Variants in CACNA2D4 observed in about 807,000 individuals in gnomAD.
CACNA2D4 encodes voltage-dependent calcium channel subunit alpha-2/delta-4.
CACNA2D4 carries 157 observed loss-of-function variants against 163.8 expected under a neutral mutation model. That is an observed-to-expected ratio of 0.96 (90% CI 0.84 to 1.09). CACNA2D4 has a LOEUF of 1.09. Among genes scored for constraint, CACNA2D4 ranks in the 50% least tolerant of loss-of-function variants. The probability of loss-of-function intolerance (pLI) is 0.00; values close to 1 mark genes in which losing one functional copy is unlikely to be tolerated. For synonymous variants in CACNA2D4, 598 were observed against 586.9 expected (o/e 1.02, Z -0.27); for missense variants, 1,410 against 1,479.9 (o/e 0.95, Z 0.78).
intron 18 of CACNA2D4, among the ~76,000 whole-genome samples, chr12:1,861,632 G>A (rs777405977): frequency 6.6e-6 from 1 of 151,948 alleles, no homozygotes; most frequent in South Asian, 2.1e-4. Flanking sequence ...TAGTAGAGAC[G>A]GGGTTTCACC....
chr12:1,854,197 C>T (rs958063594), intron 22 of CACNA2D4, among the ~76,000 whole-genome samples, 153 bp from the exon 23 acceptor site: 7 of 152,188 alleles, frequency 4.6e-5, no homozygotes, highest in African/African-American at 1.4e-4. Flanking sequence ...AGCTGCCTCA[C>T]CTCTGTCTGT....
chr12:1,846,483 G>T, intron 24 of CACNA2D4, 111 bp downstream of exon 24: 1 of 845,584 alleles, frequency 1.2e-6, no homozygotes, highest in Non-Finnish European at 1.9e-6. Context: ...CAGGGGTCCA[G>T]CATGCTGGAG....
At chr12:1,891,727 A>G (rs1374791050) in intron 6 of CACNA2D4, among the ~76,000 whole-genome samples, 1 of 152,076 alleles carries the variant, frequency 6.6e-6, no homozygotes, top group Non-Finnish European at 1.5e-5. Context: ...AAGAAGATAG[A>G]TATCATTACA....
chr12:1,831,198 A>G (rs763425485), intron 26 of CACNA2D4: 23 of 1,613,532 alleles, frequency 1.4e-5, no homozygotes, highest in Middle Eastern at 1.6e-4. Flanking sequence ...GCCCCGCTCC[A>G]TTTTCGGGGA....
chr12:1,883,091 T>C lies in CACNA2D4; in HGVS notation c.1352-91A>G. The stretch of plus-strand genomic sequence containing the variant: ...TGCACCCTCCCCAGCTGCAGATGGC[T>C]CATAGCCGAATACTCTCTGGAAACT... On this transcript the variant is annotated intron_variant, in intron 12 of 37. Transcript: ENST00000382722. The surrounding 1 kb of genome is among the most constrained non-coding windows in gnomAD (Gnocchi z 4.5). 1 of 1,380,772 alleles carries C rather than the reference T, an allele frequency of 7.2e-7. No homozygotes were observed. The highest frequency in any genetic ancestry group is 9.9e-7 in the Non-Finnish European group (1 of 1,011,846). The allele number at this position is 1,380,772 out of a possible 1,614,324, so 85.5% of individuals were successfully genotyped here. A position where few individuals can be genotyped will look rare whatever the true frequency, so the allele number is the denominator to read the frequency against.
At chr12:1,893,374 C>T (rs1592739396) in intron 6 of CACNA2D4, among the ~76,000 whole-genome samples, 1 of 152,132 alleles carries the variant, frequency 6.6e-6, no homozygotes, top group East Asian at 1.9e-4. Flanking sequence ...AAAAAATTAG[C>T]CACACATGGT....
chr12:1,800,195 C>T (rs1380007632), intron 32 of CACNA2D4, 143 bp from the exon 33 acceptor site: 14 of 974,974 alleles, frequency 1.4e-5, no homozygotes, highest in Non-Finnish European at 2.2e-5. Flanking sequence ...TCTGGTTGAG[C>T]AATGAGGTCC....
chr12:1,875,113 A>G lies in CACNA2D4; in HGVS notation c.1806+138T>C. The G allele has an allele frequency of 1.5e-6, 1 of 647,238 alleles. No individual in the cohort carries two copies. 40.1% of individuals were successfully genotyped at this position (647,238 alleles called of 1,614,324 possible). ...CATTTTAGGCATTGCTTGTGGCTTG[A>G]GCTTGGAAAGGCTCTGGGATGAACC... On this transcript the variant is annotated intron_variant, in intron 17 of 37. Coordinates refer to ENST00000382722, the MANE Select transcript of CACNA2D4 (RefSeq NM_172364.5). This position sits in a 1 kb window ranked among gnomAD's most constrained non-coding sequence, Gnocchi z 4.0.
chr12:1,810,544 C>T lies in CACNA2D4; in HGVS notation c.2657G>A (p.Ser886Asn). The change falls in exon 28 of 38, where the codon AGT becomes AAT. Residue 886 changes from serine (S) to asparagine (N), a missense_variant and splice_region_variant. Physicochemically the swap from Ser to Asn is conservative, Grantham distance 46 (BLOSUM62 1). Transcript: ENST00000382722. ...CTTCCTCACACGGGCAGAACTTACA[C>T]TGTCCTCGCAGCTCTGTGTGCACGG... Reference protein sequence around the residue: ...DGPCTQSCEDSDLDCFVIDNN... With the variant: ...DGPCTQSCEDNDLDCFVIDNN... The T allele has an allele frequency of 1.9e-6, 3 of 1,553,514 alleles. No homozygotes were observed. Among genetic ancestry groups the T allele is most frequent in the Non-Finnish European group, 2.6e-6 (3 of 1,147,956 alleles).
rs927845434 is a variant in CACNA2D4, at chr12:1,820,209, G to A, written c.2552-8486C>T. 1.3e-5 allele frequency: 2 copies of A among 152,202 alleles called. No individual in the cohort carries two copies. The highest frequency in any genetic ancestry group is 4.8e-5 in the African/African-American group (2 of 41,416). 9.4% of individuals were successfully genotyped at this position (152,202 alleles called of 1,614,324 possible). ...CCTGTCCCTCTTTCCCCAGATGGAG[G>A]GGAAGAGAGGAGAGAGGCACAGAAG... is the stretch of plus-strand genomic sequence containing the variant. On this transcript the variant is annotated intron_variant, in intron 26 of 37. Coordinates refer to ENST00000382722, the MANE Select transcript of CACNA2D4 (RefSeq NM_172364.5). This position sits in a 1 kb window ranked among gnomAD's most constrained non-coding sequence, Gnocchi z 6.0.
chr12:1,839,220 C>T (rs11061997), intron 26 of CACNA2D4, among the ~76,000 whole-genome samples: 102,470 of 152,182 alleles, frequency 0.67, 34,924 homozygotes, highest in Middle Eastern at 0.71. Flanking sequence ...GCCTCGGTTA[C>T]AAGGCAGGTG....
chr12:1,793,587 C>T lies in CACNA2D4; in HGVS notation c.*68G>A. Reference sequence around the variant, plus strand: ...AACTGCAGTTAGCTGCATCCCATGTCAGTGCTGACTTTTTGGGATGGCTCT... The same window carrying T: ...AACTGCAGTTAGCTGCATCCCATGTTAGTGCTGACTTTTTGGGATGGCTCT... On this transcript the variant is annotated 3_prime_UTR_variant, in exon 38 of 38. Coordinates refer to ENST00000382722, the MANE Select transcript of CACNA2D4 (RefSeq NM_172364.5). The T allele has an allele frequency of 7.3e-7, 1 of 1,378,746 alleles. No individual in the cohort carries two copies. Among genetic ancestry groups the T allele is most frequent in the Non-Finnish European group, 1.0e-6 (1 of 967,342 alleles). 85.4% of individuals were successfully genotyped at this position (1,378,746 alleles called of 1,614,324 possible). A position where few individuals can be genotyped will look rare whatever the true frequency, so the allele number is the denominator to read the frequency against.
rs59012815 is a variant in CACNA2D4, at chr12:1,820,038, C to T, written c.2552-8315G>A. 0.037 allele frequency among the ~76,000 whole-genome samples: 5,681 copies of T among 152,270 alleles called. 344 individuals carry two copies. The highest frequency in any genetic ancestry group is 0.13 in the African/African-American group (5,330 of 41,526). On this transcript the variant is annotated intron_variant, in intron 26 of 37. Transcript: ENST00000382722. The surrounding 1 kb of genome is among the most constrained non-coding windows in gnomAD (Gnocchi z 6.0). Reference sequence around the variant, plus strand: ...TGGACATGCCTGTGTACCCTTCTTTCGTATGACCGAGAGAAGGGTTCGGTT... The same window carrying T: ...TGGACATGCCTGTGTACCCTTCTTTTGTATGACCGAGAGAAGGGTTCGGTT...
Position 1,916,629 on chromosome 12 carries a change from C to T in CACNA2D4, c.227+1618G>A, listed in dbSNP as rs527873329. Among the ~76,000 whole-genome samples, 276 of 152,254 alleles carry T rather than the reference C, an allele frequency of 1.8e-3. 7 individuals are homozygous for T. In the South Asian group the frequency reaches 0.031, roughly 17 times the overall value. On this transcript the variant is annotated intron_variant, in intron 1 of 37. Transcript: ENST00000382722. ...ATAAGCCGTGCCCATGCAGGCCCAG[C>T]GGAGCGCAGTGCCACGGAAGTCAAG...
intron 18 of CACNA2D4, among the ~76,000 whole-genome samples, chr12:1,873,304 G>A (rs766787564): frequency 6.6e-5 from 10 of 152,146 alleles, no homozygotes; most frequent in South Asian, 2.1e-4. Context: ...AAGCCTTTGC[G>A]AAATTGCAAA....
At chr12:1,809,067 G>C (rs747248649) in intron 29 of CACNA2D4, among the ~76,000 whole-genome samples, 1 of 152,242 alleles carries the variant, frequency 6.6e-6, no homozygotes, top group Non-Finnish European at 1.5e-5. Flanking sequence ...ACTGCTGCTC[G>C]TTAAGTGGGT....
intron 26 of CACNA2D4, among the ~76,000 whole-genome samples, chr12:1,821,334 C>A (rs1051143971): frequency 1.3e-5 from 2 of 152,172 alleles, no homozygotes; most frequent in Non-Finnish European, 2.9e-5. Context: ...GGTCCTGGGC[C>A]TCCCTATAGC....
chr12:1,907,663 TGGGCGTGTCTGG>T (rs1404309980), intron 5 of CACNA2D4, 92 bp from the exon 6 acceptor site: 3 of 1,269,660 alleles, frequency 2.4e-6, no homozygotes, highest in Non-Finnish European at 2.2e-6. Flanking sequence ...GCGTGTCTGG[TGGGCGTGTCTGG>T]TAAGCGTGCC....
Position 1,831,214 on chromosome 12 carries a change from C to T in CACNA2D4, c.2551+9525G>A, listed in dbSNP as rs762456201. The T allele has an allele frequency of 5.6e-6, 9 of 1,613,726 alleles. No individual in the cohort carries two copies. The East Asian group carries it at 8.9e-5, about 16-fold the overall frequency. On this transcript the variant is annotated intron_variant, in intron 26 of 37. Transcript: ENST00000382722. ...CCCCGCTCCATTTTCGGGGACCTGA[C>T]GAATCTGACTGAGCTTCAGCTGCGC...
Sources: gnomAD v4.1 joint callset for allele counts (sites outside exome capture counted in the v4.1 genomes callset) on GRCh38, gnomAD v4.1.1 for gene constraint, Gnocchi (gnomAD v3.1) non-coding constraint, MANE v1.5 for transcripts, NCBI Gene and HGNC (gene_info 2026-07-23, HGNC 2026-07-21) for gene names.